PDE2A: variants seen among roughly 807,000 people sequenced by gnomAD.
PDE2A encodes phosphodiesterase 2A.
In PDE2A, 53 loss-of-function variants were observed where a neutral mutation model predicts 133.6. The ratio of observed to expected loss-of-function variants is 0.40; its 90% CI spans 0.32 to 0.50. The LOEUF is 0.50. Among genes scored for constraint, PDE2A ranks in the 20% least tolerant of loss-of-function variants. The pLI is 0.73. For synonymous variants in PDE2A, 491 were observed against 490.2 expected (o/e 1.00, Z -0.02); for missense variants, 796 against 1,232.4 (o/e 0.65, Z 5.30).
chr11:72,655,801 G>A (rs569947941), intron 1 of PDE2A, among the ~76,000 whole-genome samples: 1 of 152,342 alleles, frequency 6.6e-6, no homozygotes, highest in African/African-American at 2.4e-5. Flanking sequence ...GCCTGTGTGT[G>A]CATGTGCACG....
intron 2 of PDE2A, among the ~76,000 whole-genome samples, chr11:72,618,304 T>C (rs1445435868): frequency 6.6e-6 from 1 of 152,186 alleles, no homozygotes; most frequent in Non-Finnish European, 1.5e-5. Context: ...CTCCCAGCCT[T>C]TGCTCCTCCG....
intron 1 of PDE2A, among the ~76,000 whole-genome samples, chr11:72,642,701 C>T (rs1213624945): frequency 6.6e-6 from 1 of 152,034 alleles, no homozygotes; most frequent in African/African-American, 2.4e-5. Context: ...TCGCATCTCG[C>T]AGGGGCCGCT....
Position 72,577,131 on chromosome 11 carries a change from G to T in PDE2A, c.*253C>A, listed in dbSNP as rs1015857434. The stretch of plus-strand genomic sequence containing the variant: ...TTGCCAAGGTGTGGTCAGAGGTGCA[G>T]AGTAGGGCCCACTGCTCATTGGTCA... On this transcript the variant is annotated 3_prime_UTR_variant, in exon 31 of 31. Coordinates refer to ENST00000334456, the MANE Select transcript of PDE2A (RefSeq NM_002599.5). 1.6e-5 allele frequency: 8 copies of T among 500,558 alleles called. No homozygotes were observed. The highest frequency in any genetic ancestry group is 3.8e-5 in the African/African-American group (2 of 52,578). 31.0% of individuals were successfully genotyped at this position (500,558 alleles called of 1,614,324 possible).
intron 2 of PDE2A, among the ~76,000 whole-genome samples, chr11:72,641,028 C>T (rs965929016): frequency 1.3e-5 from 2 of 152,192 alleles, no homozygotes; most frequent in African/African-American, 4.8e-5. Context: ...ACACATGCAA[C>T]CCAGCCCGTG....
chr11:72,582,217 A>G (rs552721192), intron 21 of PDE2A: 99 of 610,794 alleles, frequency 1.6e-4, no homozygotes, highest in Non-Finnish European at 2.6e-4. Context: ...TGCCCTGGGC[A>G]TGGTTGGTCC....
In PDE2A at chr11:72,584,561, G is replaced by T; in HGVS notation, c.1527C>A (p.Asn509Lys). 6.2e-7 allele frequency: 1 copy of T among 1,610,466 alleles called. No homozygotes were observed. Among genetic ancestry groups the T allele is most frequent in the Non-Finnish European group, 8.5e-7 (1 of 1,179,284 alleles). Reference sequence around the variant, plus strand: ...GGCCGCCACGCGCACCCTGGTTCTCGTTCTTGATGGGGAAGCAGAGGATGT... The same window carrying T: ...GGCCGCCACGCGCACCCTGGTTCTCTTTCTTGATGGGGAAGCAGAGGATGT... Reference protein sequence around the residue: ...TRNILCFPIKNENQEVIGVAE... With the variant: ...TRNILCFPIKKENQEVIGVAE... The change falls in exon 18 of 31, where the codon AAC becomes AAA. Residue 509 changes from asparagine to lysine, a missense_variant. Physicochemically the swap from Asn to Lys is moderately conservative, Grantham distance 94. Transcript: ENST00000334456.
At position 72,617,776 on chromosome 11, in the gene PDE2A, C is replaced by T. The variant is rs560808890; in HGVS notation, c.145-9025G>A. On this transcript the variant is annotated intron_variant, in intron 2 of 30. Coordinates refer to ENST00000334456, the MANE Select transcript of PDE2A (RefSeq NM_002599.5). The stretch of plus-strand genomic sequence containing the variant: ...GCCCCTGAGGAGAAGTCCCTGAAGA[C>T]CAAGGCAGAGTTGGGAGAAGAGCGG... 2.0e-4 allele frequency among the ~76,000 whole-genome samples: 30 copies of T among 152,314 alleles called. No homozygotes were observed. The South Asian group carries it at 6.2e-3, about 32-fold the overall frequency.
At chr11:72,655,222 C>T (rs1159967498) in intron 1 of PDE2A, among the ~76,000 whole-genome samples, 1 of 152,198 alleles carries the variant, frequency 6.6e-6, no homozygotes, top group Non-Finnish European at 1.5e-5. Flanking sequence ...TCCCCTGGGC[C>T]CCAGTTCCTG....
chr11:72,625,129 T>G (rs2135404108), intron 2 of PDE2A, among the ~76,000 whole-genome samples: 1 of 152,310 alleles, frequency 6.6e-6, no homozygotes, highest in South Asian at 2.1e-4. Context: ...CTGGCCTGTC[T>G]GGGATACACA....
Position 72,608,075 on chromosome 11 carries a change from G to T in PDE2A, c.234+587C>A, listed in dbSNP as rs780603066. 2.8e-4 allele frequency among the ~76,000 whole-genome samples: 43 copies of T among 152,156 alleles called. 1 individual carries two copies. The highest frequency in any genetic ancestry group is 1.3e-4 in the Non-Finnish European group (9 of 68,020). On this transcript the variant is annotated intron_variant, in intron 3 of 30. Transcript: ENST00000334456. ...CACAATCTCCCCAGTAAGGCACTCT[G>T]GGCTCAGGCAACCATGATCACCCCA... is the stretch of plus-strand genomic sequence containing the variant.
intron 4 of PDE2A, chr11:72,598,729 ACT>A (rs1856598164): frequency 8.0e-7 from 1 of 1,254,732 alleles, no homozygotes; most frequent in East Asian, 5.7e-5. Flanking sequence ...TAGGTCAGAG[ACT>A]CTAGACAAAT....
Position 72,614,161 on chromosome 11 carries a change from C to G in PDE2A, c.145-5410G>C, listed in dbSNP as rs890443627. Among the ~76,000 whole-genome samples the G allele has an allele frequency of 6.4e-4, 97 of 152,240 alleles. 4 individuals are homozygous for G. Among genetic ancestry groups the G allele is most frequent in the Non-Finnish European group, 1.5e-4 (10 of 68,046 alleles). On this transcript the variant is annotated intron_variant, in intron 2 of 30. Coordinates refer to ENST00000334456, the MANE Select transcript of PDE2A (RefSeq NM_002599.5). ...AACAAGGCGGTTCCTCCTCCTTCCT[C>G]CCCACACACCCACGCCTGCCACCTG...
chr11:72,579,631 G>A (rs1345069900), intron 25 of PDE2A, 23 bp from the exon 26 acceptor site: 2 of 1,561,886 alleles, frequency 1.3e-6, no homozygotes, highest in East Asian at 2.2e-5. Flanking sequence ...GAGTGATGGG[G>A]GCCCAGCTGG....
rs954256797 is a variant in PDE2A, at chr11:72,589,932, T to C, written c.806A>G (p.Glu269Gly). 6.2e-7 allele frequency: 1 copy of C among 1,613,270 alleles called. No individual in the cohort carries two copies. Among genetic ancestry groups the C allele is most frequent in the Non-Finnish European group, 8.5e-7 (1 of 1,179,836 alleles). The change falls in exon 10 of 31, where the codon GAG becomes GGG. Residue 269 changes from glutamate to glycine, a missense_variant. Glu to Gly is a moderately conservative substitution (Grantham distance 98, BLOSUM62 -2). Around this residue, in one of 7 missense-constraint regions of PDE2A, gnomAD observed 417 missense variants for 475.3 expected, o/e 0.88. Coordinates refer to ENST00000334456, the MANE Select transcript of PDE2A (RefSeq NM_002599.5). ...CTTGCAAGAAAGCTGGAGATTGTCC[T>C]CCGACACCAGCAGGAGGCAGCAGCG... Reference protein sequence around the residue: ...ASRCCLLLVSEDNLQLSCKVI... With the variant: ...ASRCCLLLVSGDNLQLSCKVI...
At chr11:72,666,915 G>A (rs1295782799) in intron 1 of PDE2A, among the ~76,000 whole-genome samples, 2 of 152,138 alleles carry the variant, frequency 1.3e-5, no homozygotes, top group Admixed American at 6.5e-5. Context: ...AGACCAGCCT[G>A]GCCAACATGG....
intron 1 of PDE2A, among the ~76,000 whole-genome samples, chr11:72,656,598 C>G (rs1242746121): frequency 6.6e-6 from 1 of 152,116 alleles, no homozygotes; most frequent in Non-Finnish European, 1.5e-5. Context: ...AGGCCAGACA[C>G]GAGCAGAAAG....
At chr11:72,667,201 A>C (rs1855262112) in intron 1 of PDE2A, among the ~76,000 whole-genome samples, 1 of 152,218 alleles carries the variant, frequency 6.6e-6, no homozygotes, top group Admixed American at 6.5e-5. Flanking sequence ...TCACCCTCTC[A>C]GATCAGCATA....
At chr11:72,636,022 G>T (rs1442668329) in intron 2 of PDE2A, 1 of 1,262,358 alleles carries the variant, frequency 7.9e-7, no homozygotes, top group Non-Finnish European at 1.0e-6. Context: ...TCTCCCAGTG[G>T]CAGCCCCCAG....
Position 72,608,753 on chromosome 11 carries a change from TG to T in PDE2A, c.145-3del. 6.5e-7 allele frequency: 1 copy of T among 1,536,034 alleles called. No homozygotes were observed. Among genetic ancestry groups the T allele is most frequent in the Non-Finnish European group, 8.9e-7 (1 of 1,127,356 alleles). On this transcript the variant is annotated splice_region_variant and splice_polypyrimidine_tract_variant and intron_variant, in intron 2 of 30. Transcript: ENST00000334456. ...AGAGCCCAGACTCAGCAAGGCGTCC[TG>T]GAAGAGAGGAGAGGGCAGTGAGAGG...
Sources: allele counts gnomAD v4.1 joint callset (sites outside exome capture counted in the v4.1 genomes callset), GRCh38; gene constraint gnomAD v4.1.1; regional missense constraint gnomAD v4.1.1; transcripts MANE v1.5; gene names NCBI Gene and HGNC (gene_info 2026-07-23, HGNC 2026-07-21).